The following KIF26B variants were observed in gnomAD, a reference collection of about 807,000 sequenced individuals.
The protein encoded by KIF26B is kinesin-like protein KIF26B.
A neutral mutation model predicts 151.2 loss-of-function variants in KIF26B; 63 were observed. The ratio of observed to expected loss-of-function variants is 0.42; its 90% CI spans 0.34 to 0.51. The LOEUF is 0.51. Among genes scored for constraint, KIF26B ranks in the 20% least tolerant of loss-of-function variants. The pLI, the probability that KIF26B is intolerant of heterozygous loss-of-function variation, is 0.07. For synonymous variants in KIF26B, 1,357 were observed against 1,262.1 expected (o/e 1.08, Z -1.59); for missense variants, 2,813 against 2,913.6 (o/e 0.97, Z 0.79).
intron 9 of KIF26B, among the ~76,000 whole-genome samples, chr1:245,619,143 T>C (rs1228496261): frequency 1.4e-5 from 2 of 139,530 alleles, no homozygotes; most frequent in African/African-American, 5.6e-5. Context: ...TTGGTGAGCT[T>C]GTCCAAGCCC....
In KIF26B at chr1:245,465,430, G is replaced by T. The variant is rs1659764365; in HGVS notation, c.1166+45685G>T. ...GAGGGGGAAAAGCATCACTGCTCAGGCAGGAGCCCCCATGCCTCCTGCTTG... is the reference window on the plus strand; with the variant it reads ...GAGGGGGAAAAGCATCACTGCTCAGTCAGGAGCCCCCATGCCTCCTGCTTG... On this transcript the variant is annotated intron_variant, in intron 4 of 14. Coordinates refer to ENST00000407071, the MANE Select transcript of KIF26B (RefSeq NM_018012.4). 1.3e-5 allele frequency among the ~76,000 whole-genome samples: 2 copies of T among 152,142 alleles called. 1 individual carries two copies. The highest frequency in any genetic ancestry group is 4.2e-4 in the South Asian group (2 of 4,818).
Position 245,227,116 on chromosome 1 carries a change from G to C in KIF26B, c.465+70433G>C, listed in dbSNP as rs1489677042. Among the ~76,000 whole-genome samples the C allele has an allele frequency of 6.6e-6, 1 of 152,168 alleles. No individual in the cohort carries two copies. Among genetic ancestry groups the C allele is most frequent in the East Asian group, 1.9e-4 (1 of 5,184 alleles). On this transcript the variant is annotated intron_variant, in intron 2 of 14. Coordinates refer to ENST00000407071, the MANE Select transcript of KIF26B (RefSeq NM_018012.4). The surrounding 1 kb of genome is among the most constrained non-coding windows in gnomAD (Gnocchi z 4.1). ...CGTTTTTTGGCATTTTTGAGGAACAGCTCCCTTTTCAGTACCAGGTGACAT... is the reference window on the plus strand; with the variant it reads ...CGTTTTTTGGCATTTTTGAGGAACACCTCCCTTTTCAGTACCAGGTGACAT...
Position 245,698,877 on chromosome 1 carries a change from T to C in KIF26B, c.6028-10T>C, listed in dbSNP as rs760770066. On this transcript the variant is annotated splice_polypyrimidine_tract_variant and intron_variant, in intron 13 of 14. Coordinates refer to ENST00000407071, the MANE Select transcript of KIF26B (RefSeq NM_018012.4). This position sits in a 1 kb window ranked among gnomAD's most constrained non-coding sequence, Gnocchi z 4.0. ...AGAAGGGCCCTTTCTCCTCTCTGTC[T>C]GTGTGCTAGGAGGCCATGTGCTTCA... 1.9e-6 allele frequency: 3 copies of C among 1,612,182 alleles called. No individual in the cohort carries two copies. In the Admixed American group the frequency reaches 5.0e-5, roughly 27 times the overall value.
intron 14 of KIF26B, among the ~76,000 whole-genome samples, chr1:245,701,213 T>C (rs751566361): frequency 2.0e-4 from 30 of 152,226 alleles, no homozygotes; most frequent in Non-Finnish European, 3.8e-4. Flanking sequence ...ATATATATTG[T>C]TTCTTGAAGA....
Position 245,563,162 on chromosome 1 carries a change from A to G in KIF26B, c.1350+22212A>G, listed in dbSNP as rs997902191. On this transcript the variant is annotated intron_variant, in intron 5 of 14. Coordinates refer to ENST00000407071, the MANE Select transcript of KIF26B (RefSeq NM_018012.4). The surrounding 1 kb of genome is among the most constrained non-coding windows in gnomAD (Gnocchi z 4.6). ...TCTATTGAAGGTGGAAACCAGCACA[A>G]TTCAAATGCTTTGCGTTAAATGCCA... Among the ~76,000 whole-genome samples the G allele has an allele frequency of 6.6e-6, 1 of 152,196 alleles. No homozygotes were observed. The highest frequency in any genetic ancestry group is 1.9e-4 in the East Asian group (1 of 5,188).
intron 2 of KIF26B, among the ~76,000 whole-genome samples, chr1:245,207,844 T>C (rs897147541): frequency 6.6e-6 from 1 of 152,186 alleles, no homozygotes; most frequent in African/African-American, 2.4e-5. Flanking sequence ...TGTCCTGCAT[T>C]AGTGAGTTCC....
At chr1:245,174,639 T>G (rs539697686) in intron 2 of KIF26B, among the ~76,000 whole-genome samples, 1 of 152,162 alleles carries the variant, frequency 6.6e-6, no homozygotes, top group Admixed American at 6.5e-5. Flanking sequence ...CCCAAGTAGC[T>G]GGGACTGCAG....
At chr1:245,553,671 G>A (rs372204591) in intron 5 of KIF26B, among the ~76,000 whole-genome samples, 6 of 152,260 alleles carry the variant, frequency 3.9e-5, no homozygotes, top group Non-Finnish European at 7.3e-5. Flanking sequence ...CCTAAATTCC[G>A]TGGGAGGAAA....
intron 3 of KIF26B, among the ~76,000 whole-genome samples, chr1:245,411,269 C>A (rs1306879228): frequency 6.6e-6 from 1 of 152,192 alleles, no homozygotes; most frequent in Non-Finnish European, 1.5e-5. Context: ...AGAAAAGAGA[C>A]AAGCAGGGTG....
intron 3 of KIF26B, among the ~76,000 whole-genome samples, chr1:245,374,279 G>T (rs2795077): frequency 2.0e-5 from 3 of 149,366 alleles, no homozygotes; most frequent in Non-Finnish European, 4.5e-5. Context: ...ACTTCCAAGC[G>T]CCCCTGCAGG....
intron 2 of KIF26B, among the ~76,000 whole-genome samples, chr1:245,175,911 TATATCTATATCTATATATTTA>T (rs1668794725): frequency 7.1e-6 from 1 of 141,544 alleles, no homozygotes; most frequent in Admixed American, 6.9e-5. Context: ...CATATATATC[TATATCTATATCTATATATTTA>T]GATGTCTATA....
At chr1:245,627,704 A>G (rs963707491) in intron 9 of KIF26B, among the ~76,000 whole-genome samples, 5 of 150,078 alleles carry the variant, frequency 3.3e-5, no homozygotes, top group African/African-American at 2.4e-5. Context: ...CAGTTTTTTG[A>G]AAAAAAAAAT....
In KIF26B at chr1:245,170,665, C is replaced by T. The variant is rs888880535; in HGVS notation, c.465+13982C>T. 2.0e-4 allele frequency among the ~76,000 whole-genome samples: 30 copies of T among 152,118 alleles called. No individual in the cohort carries two copies. The highest frequency in any genetic ancestry group is 5.8e-4 in the African/African-American group (24 of 41,416). On this transcript the variant is annotated intron_variant, in intron 2 of 14. Coordinates refer to ENST00000407071, the MANE Select transcript of KIF26B (RefSeq NM_018012.4). The surrounding 1 kb of genome is among the most constrained non-coding windows in gnomAD (Gnocchi z 4.4). ...ATGGCACTGTCTTGCTGTGTCCTCA[C>T]GTAGTGGAAGGGACTGGCTAGCTCT...
At chr1:245,442,675 A>C (rs1450676559) in intron 4 of KIF26B, among the ~76,000 whole-genome samples, 1 of 139,812 alleles carries the variant, frequency 7.2e-6, no homozygotes, top group Non-Finnish European at 1.6e-5. Context: ...TTCACCCTGC[A>C]GTCATCTCCC....
chr1:245,276,948 C>A (rs576792343), intron 2 of KIF26B, among the ~76,000 whole-genome samples: 1 of 151,996 alleles, frequency 6.6e-6, no homozygotes, highest in Non-Finnish European at 1.5e-5. Context: ...TAGGGTGGAA[C>A]CTGATTTCAA....
intron 2 of KIF26B, among the ~76,000 whole-genome samples, chr1:245,198,535 A>G (rs1038074306): frequency 6.6e-5 from 10 of 152,174 alleles, no homozygotes; most frequent in African/African-American, 2.4e-4. Flanking sequence ...CAGCCTGGCC[A>G]ACATGGCAAA....
intron 9 of KIF26B, among the ~76,000 whole-genome samples, chr1:245,634,243 C>A (rs1051854084): frequency 3.3e-5 from 5 of 152,180 alleles, no homozygotes; most frequent in African/African-American, 1.2e-4. Context: ...GGATTGCATC[C>A]ATTAGATTTT....
At position 245,686,223 on chromosome 1, in the gene KIF26B, G is replaced by A. The variant is rs750061754; in HGVS notation, c.3240G>A (p.Lys1080=). ...IASLSKTSEY[K]PPSSPSQRCK... ...GCCTGTCCAAGACCTCGGAGTACAAGCCACCCAGCTCTCCTTCCCAGAGAT... is the reference window on the plus strand; with the variant it reads ...GCCTGTCCAAGACCTCGGAGTACAAACCACCCAGCTCTCCTTCCCAGAGAT... Residue 1080 remains lysine (K), a synonymous_variant, in exon 12 of 15, where the codon AAG becomes AAA. Transcript: ENST00000407071. The surrounding 1 kb of genome is among the most constrained non-coding windows in gnomAD (Gnocchi z 5.6). 1.9e-6 allele frequency: 3 copies of A among 1,612,564 alleles called. No homozygotes were observed. Among genetic ancestry groups the A allele is most frequent in the African/African-American group, 1.3e-5 (1 of 74,932 alleles).
At chr1:245,496,394 T>C (rs1306332364) in intron 4 of KIF26B, among the ~76,000 whole-genome samples, 2 of 152,254 alleles carry the variant, frequency 1.3e-5, no homozygotes, top group East Asian at 3.9e-4. Flanking sequence ...CACTAAAATA[T>C]ATGTAGCATT....
Sources: allele counts gnomAD v4.1 joint callset (sites outside exome capture counted in the v4.1 genomes callset), GRCh38; gene constraint gnomAD v4.1.1; non-coding constraint Gnocchi (gnomAD v3.1); transcripts MANE v1.5; gene names NCBI Gene and HGNC (gene_info 2026-07-23, HGNC 2026-07-21).